Variants in ZNF3 observed in about 807,000 individuals in gnomAD.
ZNF3 encodes the protein zinc finger protein 3.
A neutral mutation model predicts 36.9 loss-of-function variants in ZNF3; 16 were observed. The observed-to-expected ratio is 0.43, with a 90% confidence interval of 0.29 to 0.66. ZNF3 has a LOEUF of 0.66. Ranked by LOEUF, ZNF3 falls within the 30% of genes least tolerant of loss-of-function variation. The pLI, the probability that ZNF3 is intolerant of heterozygous loss-of-function variation, is 0.13. For missense variants in ZNF3, 462 were observed against 543.1 expected (o/e 0.85, Z 1.48); for synonymous variants, 201 against 201.9 (o/e 1.00, Z 0.04).
Position 100,077,387 on chromosome 7 carries a change from G to C in ZNF3, c.-30C>G, listed in dbSNP as rs369432477. On this transcript the variant is annotated 5_prime_UTR_variant, in exon 3 of 6. Transcript: ENST00000299667. ...GGGCAAGGTGCTCTCTGGTCTCCTG[G>C]GTGCAGACTCAGCGGGAAGCGGGTT... 1 of 1,613,218 alleles carries C rather than the reference G, an allele frequency of 6.2e-7. No homozygotes were observed. Among genetic ancestry groups the C allele is most frequent in the African/African-American group, 1.3e-5 (1 of 74,702 alleles).
rs1311048107 is a variant in ZNF3 at position 100,070,475 on chromosome 7, A to T, written c.*668T>A. The T allele has an allele frequency of 4.1e-6, 4 of 985,504 alleles. No individual in the cohort carries two copies. The Admixed American group carries it at 1.8e-4, about 45-fold the overall frequency. 61.0% of individuals were successfully genotyped at this position (985,504 alleles called of 1,614,324 possible). A position where few individuals can be genotyped will look rare whatever the true frequency, so the allele number is the denominator to read the frequency against. ...TGGACAGATTTGCCCATTCAGCCCC[A>T]GGACAACTGGGGGGGATGGCAGGGG... On this transcript the variant is annotated 3_prime_UTR_variant, in exon 6 of 6. Transcript: ENST00000299667.
At chr7:100,064,007 C>T, downstream of ZNF3, 1 of 1,614,160 alleles carries the variant, frequency 6.2e-7, no homozygotes, top group Non-Finnish European at 8.5e-7. Context: ...ACTAAACCTA[C>T]CCCAGGAGAG....
At chr7:100,076,292 C>CTT (rs879868716) in intron 3 of ZNF3, among the ~76,000 whole-genome samples, 1 of 145,812 alleles carries the variant, frequency 6.9e-6, no homozygotes, top group Non-Finnish European at 1.5e-5. Context: ...TTCTGCAATT[C>CTT]TTTTTTTTTT....
rs1562859377 is a variant in ZNF3 at position 100,070,739 on chromosome 7, C to G, written c.*404G>C. On this transcript the variant is annotated 3_prime_UTR_variant, in exon 6 of 6. Transcript: ENST00000299667. ...TTGAAATAGTCTCCCTTTACCCTCC[C>G]TAGCAAATAACAGGACCCAGAGCGT... 2.0e-6 allele frequency: 2 copies of G among 1,009,012 alleles called. No individual in the cohort carries two copies. The highest frequency in any genetic ancestry group is 1.0e-4 in the Admixed American group (2 of 19,488). The allele number at this position is 1,009,012 out of a possible 1,614,324, so 62.5% of individuals were successfully genotyped here. A position where few individuals can be genotyped will look rare whatever the true frequency, so the allele number is the denominator to read the frequency against.
At chr7:100,077,077 A>C (rs989486283) in intron 3 of ZNF3, 5 of 491,464 alleles carry the variant, frequency 1.0e-5, no homozygotes, top group Non-Finnish European at 1.9e-5. Flanking sequence ...TCTCAAAAAA[A>C]ACAAAACAAA....
At chr7:100,067,386 A>G (rs1342743244), downstream of ZNF3, among the ~76,000 whole-genome samples, 1 of 152,086 alleles carries the variant, frequency 6.6e-6, no homozygotes, top group Admixed American at 6.6e-5. Context: ...TCATCATTTT[A>G]GCAGCTCTAC....
At chr7:100,081,815 A>G (rs1356301225), upstream of ZNF3, 1 of 152,220 alleles carries the variant, frequency 6.6e-6, no homozygotes, top group Non-Finnish European at 1.5e-5. This position sits in a 1 kb window ranked among gnomAD's most constrained non-coding sequence, Gnocchi z 4.3. Context: ...TGTCTAGGAA[A>G]ATGGGAGGTC....
exon 6 of ZNF3, chr7:100,064,594 A>G (rs745571007): frequency 1.2e-6 from 2 of 1,614,094 alleles, no homozygotes. Flanking sequence ...GCGAGTCCAC[A>G]CTGGAGAGGG....
intron 3 of ZNF3, among the ~76,000 whole-genome samples, chr7:100,076,124 C>G (rs1000869215): frequency 6.6e-5 from 10 of 151,898 alleles, no homozygotes; most frequent in African/African-American, 2.2e-4. Context: ...AGTCGTGTGC[C>G]ACTGCACCCA....
At position 100,071,708 on chromosome 7, in the gene ZNF3, C is replaced by G; in HGVS notation, c.776G>C (p.Ser259Thr). ...IHTGEKPYEC[S>T]DCGKTFSCSS... is the part of the protein sequence containing the mutation. ...ACAGCTGAAGGTTTTCCCACAATCA[C>G]TACATTCATAAGGTTTTTCCCCAGT... The change falls in exon 6 of 6, where the codon AGT (serine) becomes ACT (threonine). Residue 259 changes from serine to threonine, a missense_variant. Transcript: ENST00000299667. The G allele has an allele frequency of 6.2e-7, 1 of 1,608,986 alleles. No individual in the cohort carries two copies. The highest frequency in any genetic ancestry group is 8.5e-7 in the Non-Finnish European group (1 of 1,178,874).
Position 100,077,224 on chromosome 7 carries a change from AG to A in ZNF3, c.55+78del. On this transcript the variant is annotated intron_variant, in intron 3 of 5. Coordinates refer to ENST00000299667, the MANE Select transcript of ZNF3 (RefSeq NM_032924.5). ...ACATCTGGATTCTAGTAGTTAGCCT[AG>A]TACCTGGTAAGTGAGCGATTTCAAT... 11 of 1,563,410 alleles carry A rather than the reference AG, an allele frequency of 7.0e-6. No homozygotes were observed. In the South Asian group the frequency reaches 1.0e-4, roughly 14 times the overall value.
intron 5 of ZNF3, 91 bp downstream of exon 5, chr7:100,075,044 A>C: frequency 6.7e-7 from 1 of 1,489,696 alleles, no homozygotes; most frequent in East Asian, 2.3e-5. Flanking sequence ...AAATCTGCTG[A>C]AACAGCTCTT....
At position 100,070,801 on chromosome 7, in the gene ZNF3, CAACT is replaced by C; in HGVS notation, c.*338_*341del. On this transcript the variant is annotated 3_prime_UTR_variant, in exon 6 of 6. Coordinates refer to ENST00000299667, the MANE Select transcript of ZNF3 (RefSeq NM_032924.5). ...CTGTCTGTGCTGACTACGCGGACTC[CAACT>C]AAAGGAATCCATCGAATTCTGTCCC... The C allele has an allele frequency of 1.9e-6, 2 of 1,075,200 alleles. No homozygotes were observed. The highest frequency in any genetic ancestry group is 1.1e-6 in the Non-Finnish European group (1 of 885,932). The allele number at this position is 1,075,200 out of a possible 1,614,324, so 66.6% of individuals were successfully genotyped here. A position where few individuals can be genotyped will look rare whatever the true frequency, so the allele number is the denominator to read the frequency against.
rs1793108487 is a variant in ZNF3, at chr7:100,071,321, C to A, written c.1163G>T (p.Arg388Ile). The change falls in exon 6 of 6, where the codon AGA (arginine) becomes ATA (isoleucine). Residue 388 changes from arginine to isoleucine, a missense_variant. Physicochemically the swap from Arg to Ile is moderately conservative, Grantham distance 97. Coordinates refer to ENST00000299667, the MANE Select transcript of ZNF3 (RefSeq NM_032924.5). ...ATAGGGGTTCTCCCCGGTGTGGATT[C>A]TTTGATGCTGAATAAGGCCTGAACT... The part of the protein sequence containing the change: ...TYSSGLIQHQ[R>I]IHTGENPYEC... 2 of 1,614,072 alleles carry A rather than the reference C, an allele frequency of 1.2e-6. No homozygotes were observed. Among genetic ancestry groups the A allele is most frequent in the African/African-American group, 1.3e-5 (1 of 74,942 alleles).
At chr7:100,064,428 C>A (rs759065322) in exon 6 of ZNF3, 3 of 1,613,906 alleles carry the variant, frequency 1.9e-6, no homozygotes, top group Non-Finnish European at 1.7e-6. Context: ...GACTCCACAC[C>A]GGAGAGAAGC....
exon 6 of ZNF3, chr7:100,064,358 A>G (rs1160280435): frequency 6.2e-7 from 1 of 1,614,046 alleles, no homozygotes; most frequent in African/African-American, 1.3e-5. Flanking sequence ...GAGAAGCCTT[A>G]TCAGTGTAAC....
chr7:100,077,086 A>C, intron 3 of ZNF3: 1 of 540,490 alleles, frequency 1.9e-6, no homozygotes, highest in Admixed American at 3.0e-5. Context: ...AAACAAAACA[A>C]AACAAAACAA....
Position 100,070,628 on chromosome 7 carries a change from A to G in ZNF3, c.*515T>C. The G allele has an allele frequency of 3.0e-6, 3 of 989,690 alleles. No homozygotes were observed. Among genetic ancestry groups the G allele is most frequent in the Non-Finnish European group, 3.6e-6 (3 of 832,328 alleles). The allele number at this position is 989,690 out of a possible 1,614,324, so 61.3% of individuals were successfully genotyped here. ...CTACCCTCAATAAAATAATCCCTCA[A>G]TGCCAAATTTCCATAATTAACGAAA... On this transcript the variant is annotated 3_prime_UTR_variant, in exon 6 of 6. Transcript: ENST00000299667.
At chr7:100,082,171 T>C (rs1420500965), upstream of ZNF3, 1 of 152,266 alleles carries the variant, frequency 6.6e-6, no homozygotes, top group Non-Finnish European at 1.5e-5. Context: ...AAACCGAGTT[T>C]TTTTTGTTTC....
Sources: allele counts gnomAD v4.1 joint callset (sites outside exome capture counted in the v4.1 genomes callset), GRCh38; gene constraint gnomAD v4.1.1; non-coding constraint Gnocchi (gnomAD v3.1); transcripts MANE v1.5; gene names NCBI Gene and HGNC (gene_info 2026-07-23, HGNC 2026-07-21).